MACROD2: variants seen among roughly 807,000 people sequenced by gnomAD.
MACROD2 encodes the protein ADP-ribose glycohydrolase MACROD2.
Under a neutral mutation model 70.4 loss-of-function variants are expected in MACROD2, and 36 were observed. The ratio of observed to expected loss-of-function variants is 0.51; its 90% CI spans 0.39 to 0.68. MACROD2 has a LOEUF of 0.68. MACROD2 is among the 30% of genes least tolerant of loss of function. The pLI, the probability that MACROD2 is intolerant of heterozygous loss-of-function variation, is 0.00. For synonymous variants in MACROD2, 172 were observed against 178.8 expected, an observed-to-expected ratio of 0.96 and a Z score of 0.30; for missense variants, 496 against 538.4, an observed-to-expected ratio of 0.92 and a Z score of 0.78.
intron 8 of MACROD2, among the ~76,000 whole-genome samples, chr20:15,704,156 A>G (rs2050499562): frequency 1.3e-5 from 2 of 151,744 alleles, no homozygotes; most frequent in African/African-American, 4.8e-5. Flanking sequence ...TTATTTATTT[A>G]TTTATTTATT....
At chr20:14,865,323 C>T (rs745833869) in intron 5 of MACROD2, among the ~76,000 whole-genome samples, 1 of 152,052 alleles carries the variant, frequency 6.6e-6, no homozygotes, top group Non-Finnish European at 1.5e-5. Flanking sequence ...GTGATGCTAC[C>T]TCTTCTGTGT....
intron 3 of MACROD2, among the ~76,000 whole-genome samples, chr20:14,096,885 T>G (rs1335743181): frequency 6.6e-6 from 1 of 152,192 alleles, no homozygotes; most frequent in African/African-American, 2.4e-5. Context: ...CATGGGAAGT[T>G]TAGTGCCTTT....
chr20:14,832,034 GTT>G (rs1180071947), intron 5 of MACROD2, among the ~76,000 whole-genome samples: 51 of 63,670 alleles, frequency 8.0e-4, no homozygotes, highest in East Asian at 6.7e-3. Flanking sequence ...GCCTTTGCGA[GTT>G]TTTTTTTTTT....
chr20:15,444,387 T>C (rs540617740), intron 7 of MACROD2, among the ~76,000 whole-genome samples: 1 of 152,192 alleles, frequency 6.6e-6, no homozygotes, highest in Non-Finnish European at 1.5e-5. Context: ...TCGCTAAATA[T>C]ACGCACTATA....
At chr20:14,140,873 T>A (rs1191940689) in intron 3 of MACROD2, among the ~76,000 whole-genome samples, 1 of 152,184 alleles carries the variant, frequency 6.6e-6, no homozygotes, top group African/African-American at 2.4e-5. Flanking sequence ...TCTATATGGA[T>A]CTTTCCTTCT....
intron 5 of MACROD2, among the ~76,000 whole-genome samples, chr20:15,073,488 C>G (rs1206581227): frequency 1.3e-5 from 2 of 150,538 alleles, no homozygotes; most frequent in African/African-American, 4.9e-5. Context: ...CACACACACA[C>G]ACACACACAC....
intron 8 of MACROD2, among the ~76,000 whole-genome samples, chr20:15,677,446 T>C (rs78920903): frequency 0.011 from 1,718 of 152,204 alleles, 15 homozygotes; most frequent in Non-Finnish European, 0.016. Flanking sequence ...CCATCACTTA[T>C]GCAGTCTCCC....
At chr20:15,352,800 G>A (rs2078242486) in intron 6 of MACROD2, among the ~76,000 whole-genome samples, 2 of 152,048 alleles carry the variant, frequency 1.3e-5, no homozygotes, top group Admixed American at 1.3e-4. Context: ...TACAAGGGAT[G>A]TGAAGGACCT....
At chr20:14,201,734 G>C (rs1397085557) in intron 3 of MACROD2, among the ~76,000 whole-genome samples, 1 of 151,864 alleles carries the variant, frequency 6.6e-6, no homozygotes, top group Non-Finnish European at 1.5e-5. Context: ...CAGCTACTTG[G>C]GAGGCTGAGG....
intron 4 of MACROD2, among the ~76,000 whole-genome samples, chr20:14,495,968 T>C (rs990615539): frequency 6.6e-6 from 1 of 152,188 alleles, no homozygotes; most frequent in Non-Finnish European, 1.5e-5. Context: ...TATGCACTTC[T>C]GGAGATGTCA....
At chr20:15,171,851 C>CT (rs1328673059) in intron 5 of MACROD2, among the ~76,000 whole-genome samples, 2 of 152,212 alleles carry the variant, frequency 1.3e-5, no homozygotes, top group Non-Finnish European at 2.9e-5. Flanking sequence ...ACACTACACT[C>CT]TAAGTTCCCT....
chr20:14,106,667 A>G (rs932914912), intron 3 of MACROD2, among the ~76,000 whole-genome samples: 1 of 152,166 alleles, frequency 6.6e-6, no homozygotes, highest in African/African-American at 2.4e-5. Flanking sequence ...GCATTGTCCC[A>G]GTGGTGGTGG....
chr20:14,110,248 G>A (rs2054431347), intron 3 of MACROD2, among the ~76,000 whole-genome samples: 1 of 151,860 alleles, frequency 6.6e-6, no homozygotes, highest in South Asian at 2.1e-4. Context: ...TAAAAGCCAT[G>A]TATGACAGAG....
At chr20:14,592,745 A>G (rs1981861187) in intron 4 of MACROD2, among the ~76,000 whole-genome samples, 1 of 152,142 alleles carries the variant, frequency 6.6e-6, no homozygotes, top group South Asian at 2.1e-4. Context: ...TCTCAATGTT[A>G]TTAGGTTACA....
chr20:15,489,716 A>T (rs1293033836), intron 7 of MACROD2, among the ~76,000 whole-genome samples: 1 of 152,084 alleles, frequency 6.6e-6, no homozygotes, highest in South Asian at 2.1e-4. Flanking sequence ...GGGGTTTCAA[A>T]CCGTGTAACA....
chr20:15,397,438 G>A (rs995966188), intron 6 of MACROD2, among the ~76,000 whole-genome samples: 1 of 151,970 alleles, frequency 6.6e-6, no homozygotes, highest in Non-Finnish European at 1.5e-5. Flanking sequence ...GGGACTACAG[G>A]CATGTGCCAC....
intron 5 of MACROD2, among the ~76,000 whole-genome samples, chr20:14,950,361 A>T (rs1449964026): frequency 6.6e-6 from 1 of 152,154 alleles, no homozygotes; most frequent in Non-Finnish European, 1.5e-5. Context: ...CTATTGTGGG[A>T]CGTGGAAGTC....
chr20:15,194,838 T>C (rs772215109), intron 5 of MACROD2, among the ~76,000 whole-genome samples: 1 of 152,212 alleles, frequency 6.6e-6, no homozygotes, highest in Non-Finnish European at 1.5e-5. Flanking sequence ...TGCATTTAGC[T>C]GTCATGTTCT....
At chr20:14,367,466 T>C (rs553367433) in intron 3 of MACROD2, among the ~76,000 whole-genome samples, 2 of 152,342 alleles carry the variant, frequency 1.3e-5, no homozygotes, top group African/African-American at 4.8e-5. Context: ...GTTTTACTTA[T>C]GAATAGCTCC....
Sources: allele counts gnomAD v4.1 joint callset (sites outside exome capture counted in the v4.1 genomes callset), GRCh38; gene constraint gnomAD v4.1.1; transcripts MANE v1.5; gene names NCBI Gene and HGNC (gene_info 2026-07-23, HGNC 2026-07-21).